The following DCHS2 variants were observed in gnomAD, a reference collection of about 807,000 sequenced individuals.
DCHS2 encodes the protein dachsous cadherin-related 2, also known as protocadherin-23.
In DCHS2, 142 loss-of-function variants were observed where a neutral mutation model predicts 182.4. That is an observed-to-expected ratio of 0.78 (90% CI 0.68 to 0.89). DCHS2 has a LOEUF of 0.89. Among genes scored for constraint, DCHS2 ranks in the 40% least tolerant of loss-of-function variants. The pLI is 0.00. For missense variants in DCHS2, 4,319 were observed against 4,198.6 expected (o/e 1.03, Z -0.79); for synonymous variants, 1,740 against 1,663.3 (o/e 1.05, Z -1.12).
intron 1 of DCHS2, chr4:154,391,328 T>C: frequency 6.4e-7 from 1 of 1,557,890 alleles, no homozygotes; most frequent in Non-Finnish European, 8.7e-7. Flanking sequence ...TGAGGGTAGC[T>C]TCAACTTCAT....
At chr4:154,360,080 A>G (rs1018061530) in intron 3 of DCHS2, among the ~76,000 whole-genome samples, 7 of 152,164 alleles carry the variant, frequency 4.6e-5, no homozygotes, top group Admixed American at 6.6e-5. Context: ...GTAAGTCACT[A>G]AGAATTTTAG....
At chr4:154,271,881 T>C (rs1298325440) in intron 13 of DCHS2, among the ~76,000 whole-genome samples, 1 of 152,124 alleles carries the variant, frequency 6.6e-6, no homozygotes, top group African/African-American at 2.4e-5. Context: ...CTATGATCAG[T>C]ATCATGATCA....
At position 154,320,831 on chromosome 4, in the gene DCHS2, A is replaced by G; in HGVS notation, c.4568T>C (p.Val1523Ala). Residue 1523 changes from valine (V) to alanine (A), a missense_variant, in exon 9 of 20, where the codon GTT (valine) becomes GCT (alanine). Val to Ala is a moderately conservative substitution (Grantham distance 64, BLOSUM62 0). Coordinates refer to ENST00000357232, the MANE Select transcript of DCHS2 (RefSeq NM_001358235.2). ...ELIVISVEEN[V>A]PIGTLVYVFN... ...GACATACACCAGGGTTCCTATGGGAACATTCTCCTCTACACTGATCACAAT... is the reference window on the plus strand; with the variant it reads ...GACATACACCAGGGTTCCTATGGGAGCATTCTCCTCTACACTGATCACAAT... The G allele has an allele frequency of 6.2e-7, 1 of 1,614,116 alleles. No individual in the cohort carries two copies. Among genetic ancestry groups the G allele is most frequent in the Non-Finnish European group, 8.5e-7 (1 of 1,179,994 alleles).
At chr4:154,353,719 G>A (rs891356026) in intron 3 of DCHS2, among the ~76,000 whole-genome samples, 4 of 152,102 alleles carry the variant, frequency 2.6e-5, no homozygotes, top group Admixed American at 2.0e-4. Flanking sequence ...GAAGTGCTAC[G>A]CTATTTGTTC....
intron 3 of DCHS2, among the ~76,000 whole-genome samples, chr4:154,347,147 A>C (rs1729398188): frequency 6.6e-6 from 1 of 151,158 alleles, no homozygotes; most frequent in South Asian, 2.1e-4. Flanking sequence ...AATGCTATGA[A>C]TGTTAGAGTT....
chr4:154,321,593 A>G (rs1041813402), intron 8 of DCHS2, among the ~76,000 whole-genome samples: 11 of 152,182 alleles, frequency 7.2e-5, no homozygotes, highest in African/African-American at 2.2e-4. Flanking sequence ...CCATAATGAC[A>G]ACATCTGTGT....
At chr4:154,353,123 A>G (rs1420113155) in intron 3 of DCHS2, among the ~76,000 whole-genome samples, 1 of 152,214 alleles carries the variant, frequency 6.6e-6, no homozygotes, top group African/African-American at 2.4e-5. Context: ...AACTCACAAT[A>G]TAGGATGATG....
chr4:154,318,984 G>A (rs1735955373), intron 9 of DCHS2, among the ~76,000 whole-genome samples: 1 of 152,076 alleles, frequency 6.6e-6, no homozygotes, highest in South Asian at 2.1e-4. Context: ...TATGGTATTG[G>A]CATAGGATAA....
intron 1 of DCHS2, among the ~76,000 whole-genome samples, chr4:154,408,444 T>A (rs543064827): frequency 6.6e-6 from 1 of 152,352 alleles, no homozygotes; most frequent in African/African-American, 2.4e-5. Context: ...AAATAAAATG[T>A]ACTGGCTTTT....
At chr4:154,479,268 G>A (rs1350684709) in intron 1 of DCHS2, among the ~76,000 whole-genome samples, 6 of 151,946 alleles carry the variant, frequency 3.9e-5, no homozygotes, top group Admixed American at 1.3e-4. Flanking sequence ...CTGATCTGAA[G>A]AATAGAAAAG....
chr4:154,363,052 G>T (rs1249333336), intron 3 of DCHS2, among the ~76,000 whole-genome samples: 1 of 152,128 alleles, frequency 6.6e-6, no homozygotes, highest in Admixed American at 6.6e-5. Context: ...CCTCTGCATT[G>T]TTCAAGAATC....
At position 154,490,860 on chromosome 4, in the gene DCHS2, G is replaced by C. The variant is rs17031725; in HGVS notation, c.496C>G (p.Arg166Gly). The C allele has an allele frequency of 7.5e-4, 1,159 of 1,551,546 alleles. 12 individuals carry two copies. The African/African-American group carries it at 0.011, about 15-fold the overall frequency. The change falls in exon 1 of 20, where the codon CGC (arginine) becomes GGC (glycine). Residue 166 changes from arginine (R) to glycine (G), a missense_variant. Coordinates refer to ENST00000357232, the MANE Select transcript of DCHS2 (RefSeq NM_001358235.2). ...RVNDVNDHSP[R>G]FPLDSLQLDV... ...AGTTGCAGGGAGTCGAGGGGAAAGC[G>C]GGGCGAGTGGTCATTCACGTCGTTG... is the stretch of plus-strand genomic sequence containing the variant.
At chr4:154,257,204 C>T (rs1188802465) in intron 15 of DCHS2, among the ~76,000 whole-genome samples, 8 of 152,060 alleles carry the variant, frequency 5.3e-5, no homozygotes, top group Admixed American at 1.3e-4. Context: ...GCCGAGATCA[C>T]GCCCCCACAC....
intron 12 of DCHS2, 54 bp downstream of exon 12, chr4:154,304,615 T>A: frequency 1.3e-6 from 2 of 1,524,264 alleles, no homozygotes; most frequent in Non-Finnish European, 1.8e-6. Flanking sequence ...GGTGACAGAG[T>A]GAGACTCTGT....
At chr4:154,362,942 G>C (rs1353317951) in intron 3 of DCHS2, among the ~76,000 whole-genome samples, 1 of 152,102 alleles carries the variant, frequency 6.6e-6, no homozygotes, top group Admixed American at 6.6e-5. Flanking sequence ...TATGTTATGG[G>C]TAAGACTTCC....
chr4:154,252,171 A>G (rs1226364400), intron 16 of DCHS2, among the ~76,000 whole-genome samples: 1 of 152,062 alleles, frequency 6.6e-6, no homozygotes. Context: ...TTTCTTTTTC[A>G]ATTTTTAATT....
chr4:154,401,539 G>A (rs1039320696), intron 1 of DCHS2, among the ~76,000 whole-genome samples: 1 of 152,194 alleles, frequency 6.6e-6, no homozygotes, highest in African/African-American at 2.4e-5. Context: ...CTTCCAATAT[G>A]TAGCAGGCCT....
In DCHS2 at chr4:154,490,379, C is replaced by T; in HGVS notation, c.977G>A (p.Gly326Glu). Residue 326 changes from glycine to glutamate, a missense_variant, in exon 1 of 20, where the codon GGG (glycine) becomes GAG (glutamate). Gly to Glu is a moderately conservative substitution (Grantham distance 98, BLOSUM62 -2). Coordinates refer to ENST00000357232, the MANE Select transcript of DCHS2 (RefSeq NM_001358235.2). ...GCTGTAGCGCACGAAGCCATTGGGC[C>T]CCAGGTCGCGGTCGGTGGCGCGCAC... is the stretch of plus-strand genomic sequence containing the variant. ...CRVRATDRDL[G>E]PNGFVRYSVR... The T allele has an allele frequency of 1.3e-6, 2 of 1,535,130 alleles. No individual in the cohort carries two copies. The highest frequency in any genetic ancestry group is 1.2e-5 in the South Asian group (1 of 83,800).
chr4:154,322,866 T>TA (rs1023418674), intron 7 of DCHS2: 7 of 243,236 alleles, frequency 2.9e-5, no homozygotes, highest in Non-Finnish European at 3.9e-5. Context: ...AATGCATCTT[T>TA]AAAAAATAAA....
Sources: gnomAD v4.1 joint callset for allele counts (sites outside exome capture counted in the v4.1 genomes callset) on GRCh38, gnomAD v4.1.1 for gene constraint, MANE v1.5 for transcripts, NCBI Gene and HGNC (gene_info 2026-07-23, HGNC 2026-07-21) for gene names.